SH3GLB1: variants seen among roughly 807,000 people sequenced by gnomAD.
SH3GLB1 encodes the protein SH3 domain containing GRB2 like, endophilin B1, also known as endophilin-B1.
SH3GLB1 carries 17 observed loss-of-function variants against 42.0 expected under a neutral mutation model. The observed-to-expected ratio is 0.40, with a 90% CI of 0.28 to 0.61. SH3GLB1 has a LOEUF of 0.61. SH3GLB1 is among the 20% of genes least tolerant of loss of function. The probability of loss-of-function intolerance (pLI) is 0.36; values close to 1 mark genes in which losing one functional copy is unlikely to be tolerated. For missense variants in SH3GLB1, 355 were observed against 426.3 expected (o/e 0.83, Z 1.47); for synonymous variants, 132 against 146.6 (o/e 0.90, Z 0.72).
rs968356912 is a variant in SH3GLB1, at chr1:86,744,693, C to T, written c.*1458C>T. ...GCTATTAAAATGATACTTTTTGGTA[C>T]TTTTAAAAAAATGAATACTTAAACA... On this transcript the variant is annotated 3_prime_UTR_variant, in exon 9 of 9. Coordinates refer to ENST00000370558, the MANE Select transcript of SH3GLB1 (RefSeq NM_016009.5). 3 of 152,108 alleles carry T rather than the reference C, an allele frequency of 2.0e-5. No individual in the cohort carries two copies. The highest frequency in any genetic ancestry group is 2.9e-5 in the Non-Finnish European group (2 of 67,996). 9.4% of individuals were successfully genotyped at this position (152,108 alleles called of 1,614,324 possible).
chr1:86,742,548 C>A, intron 8 of SH3GLB1, 112 bp downstream of exon 8: 1 of 658,892 alleles, frequency 1.5e-6, no homozygotes, highest in Non-Finnish European at 2.6e-6. Context: ...TCATAGATTA[C>A]AGATAGTTAT....
chr1:86,713,866 A>G (rs1196244863), intron 1 of SH3GLB1, among the ~76,000 whole-genome samples: 2 of 152,200 alleles, frequency 1.3e-5, no homozygotes, highest in Non-Finnish European at 2.9e-5. Flanking sequence ...TTATTTATTT[A>G]TCTATTGTCT....
At chr1:86,710,176 T>C (rs1251312519) in intron 1 of SH3GLB1, among the ~76,000 whole-genome samples, 4 of 152,254 alleles carry the variant, frequency 2.6e-5, no homozygotes, top group African/African-American at 9.6e-5. Context: ...TTTGTTAACC[T>C]GATGTTAAAA....
At chr1:86,713,865 T>C (rs1450730692) in intron 1 of SH3GLB1, among the ~76,000 whole-genome samples, 2 of 152,244 alleles carry the variant, frequency 1.3e-5, no homozygotes, top group African/African-American at 4.8e-5. Flanking sequence ...ATTATTTATT[T>C]ATCTATTGTC....
chr1:86,728,511 T>C, intron 5 of SH3GLB1: 1 of 1,451,828 alleles, frequency 6.9e-7, no homozygotes, highest in African/African-American at 1.4e-5. Flanking sequence ...TACTGTGTTT[T>C]CTACATCTTG....
At chr1:86,733,960 C>G (rs1655648809) in intron 5 of SH3GLB1, among the ~76,000 whole-genome samples, 1 of 151,958 alleles carries the variant, frequency 6.6e-6, no homozygotes, top group South Asian at 2.1e-4. Flanking sequence ...TTTTAAAACC[C>G]TAGTGTATCT....
At chr1:86,715,273 C>G (rs1236292353) in intron 1 of SH3GLB1, among the ~76,000 whole-genome samples, 1 of 152,184 alleles carries the variant, frequency 6.6e-6, no homozygotes, top group Non-Finnish European at 1.5e-5. Flanking sequence ...TATTGTCTCT[C>G]TTTTATAATA....
rs28405901 is a variant in SH3GLB1 at position 86,719,154 on chromosome 1, C to A, written c.215-353C>A. Among the ~76,000 whole-genome samples, 1,455 of 152,248 alleles carry A rather than the reference C, an allele frequency of 9.6e-3. 23 individuals are homozygous for A. Among genetic ancestry groups the A allele is most frequent in the African/African-American group, 0.033 (1,362 of 41,534 alleles). ...GATTTTGAAATTATGAATGTACATT[C>A]AGAGTAAAAATTAGAGTTAAAATGC... is the stretch of plus-strand genomic sequence containing the variant. On this transcript the variant is annotated intron_variant, in intron 2 of 8. Coordinates refer to ENST00000370558, the MANE Select transcript of SH3GLB1 (RefSeq NM_016009.5).
intron 5 of SH3GLB1, among the ~76,000 whole-genome samples, chr1:86,729,609 T>G (rs1655396752): frequency 6.6e-6 from 1 of 152,164 alleles, no homozygotes; most frequent in Admixed American, 6.5e-5. Context: ...TTGTGTTTAC[T>G]ATTAATGTAA....
intron 5 of SH3GLB1, among the ~76,000 whole-genome samples, chr1:86,732,340 G>A (rs1230371752): frequency 2.0e-5 from 3 of 152,172 alleles, no homozygotes; most frequent in East Asian, 3.8e-4. Context: ...GTTACTTTTA[G>A]CAGTAGAAGG....
rs556164870 is a variant in SH3GLB1, at chr1:86,723,357, C to CA, written c.477+691dup. 3.9e-3 allele frequency among the ~76,000 whole-genome samples: 589 copies of CA among 151,846 alleles called. 4 individuals carry two copies. Among genetic ancestry groups the CA allele is most frequent in the Middle Eastern group, 0.034 (10 of 294 alleles). On this transcript the variant is annotated intron_variant, in intron 4 of 8. Coordinates refer to ENST00000370558, the MANE Select transcript of SH3GLB1 (RefSeq NM_016009.5). ...TGAAACCCCGTCTCTACTAAAAATACAAAAAAATTAGCTGGGCATGGTGGC... is the reference window on the plus strand; with the variant it reads ...TGAAACCCCGTCTCTACTAAAAATACAAAAAAAATTAGCTGGGCATGGTGGC...
intron 4 of SH3GLB1, among the ~76,000 whole-genome samples, chr1:86,723,967 A>G (rs1056171151): frequency 4.6e-5 from 7 of 152,228 alleles, no homozygotes; most frequent in Admixed American, 2.0e-4. Context: ...GCAGACTCCA[A>G]TAACATCCCT....
In SH3GLB1 at chr1:86,730,543, A is replaced by G. The variant is rs574241612; in HGVS notation, c.571-4059A>G. Among the ~76,000 whole-genome samples the G allele has an allele frequency of 3.0e-4, 46 of 151,996 alleles. 1 individual carries two copies. In the South Asian group the frequency reaches 8.5e-3, roughly 28 times the overall value. On this transcript the variant is annotated intron_variant, in intron 5 of 8. Transcript: ENST00000370558. The stretch of plus-strand genomic sequence containing the variant: ...AGATGGAGTTTTGCTCTTGTCGCCC[A>G]GGCTGGAGTGCAGTGGCACAGTCAC...
intron 5 of SH3GLB1, among the ~76,000 whole-genome samples, chr1:86,731,247 C>T (rs975327381): frequency 2.0e-5 from 3 of 152,234 alleles, no homozygotes; most frequent in African/African-American, 7.2e-5. Context: ...CTACCAAACT[C>T]TGACATCCAC....
At chr1:86,725,732 A>AGTGAAATT (rs1292571690) in intron 5 of SH3GLB1, among the ~76,000 whole-genome samples, 1 of 152,260 alleles carries the variant, frequency 6.6e-6, no homozygotes, top group African/African-American at 2.4e-5. Context: ...ATTGGTTTAG[A>AGTGAAATT]GTGAAATTTA....
intron 5 of SH3GLB1, among the ~76,000 whole-genome samples, chr1:86,724,889 A>T (rs1210932264): frequency 2.5e-5 from 3 of 119,024 alleles, no homozygotes; most frequent in African/African-American, 1.3e-4. Flanking sequence ...AAAAAAAAAA[A>T]AAAATATATA....
At chr1:86,716,278 G>T (rs1654527606) in intron 2 of SH3GLB1, among the ~76,000 whole-genome samples, 1 of 150,954 alleles carries the variant, frequency 6.6e-6, no homozygotes, top group African/African-American at 2.4e-5. Flanking sequence ...TTGTTTGTTT[G>T]TTTGTTTGTT....
At chr1:86,705,274 T>C (rs263437) in intron 1 of SH3GLB1, among the ~76,000 whole-genome samples, 13,738 of 152,188 alleles carry the variant, frequency 0.09, 907 homozygotes, top group African/African-American at 0.17. Context: ...ACGACGTCAG[T>C]GCTCCTGTGG....
chr1:86,741,634 AGG>A (rs1656061974), intron 7 of SH3GLB1, among the ~76,000 whole-genome samples: 2 of 152,176 alleles, frequency 1.3e-5, no homozygotes, highest in Non-Finnish European at 2.9e-5. Flanking sequence ...TATGTCCTTA[AGG>A]GAATAGTATC....
Sources: gnomAD v4.1 joint callset for allele counts (sites outside exome capture counted in the v4.1 genomes callset) on GRCh38, gnomAD v4.1.1 for gene constraint, MANE v1.5 for transcripts, NCBI Gene and HGNC (gene_info 2026-07-23, HGNC 2026-07-21) for gene names.